KIF26B: variants seen among roughly 807,000 people sequenced by gnomAD.
KIF26B encodes kinesin-like protein KIF26B.
A neutral mutation model predicts 151.2 loss-of-function variants in KIF26B; 63 were observed. The ratio of observed to expected loss-of-function variants is 0.42; its 90% CI spans 0.34 to 0.51. The LOEUF (loss-of-function observed/expected upper bound fraction) is 0.51, where lower values mean the gene tolerates loss of function less well. Ranked by LOEUF, KIF26B falls within the 20% of genes least tolerant of loss-of-function variation. KIF26B has a pLI of 0.07. For missense variants in KIF26B, 2,813 were observed against 2,913.6 expected, an observed-to-expected ratio of 0.97 and a Z score of 0.79; for synonymous variants, 1,357 against 1,262.1, an observed-to-expected ratio of 1.08 and a Z score of -1.59.
At chr1:245,521,915 G>T (rs1661121367) in intron 4 of KIF26B, among the ~76,000 whole-genome samples, 1 of 106,896 alleles carries the variant, frequency 9.4e-6, no homozygotes, top group Non-Finnish European at 2.4e-5. Flanking sequence ...ACCCAGGCTG[G>T]ATGGAGTGCA....
chr1:245,670,332 T>A (rs985398701), intron 10 of KIF26B, among the ~76,000 whole-genome samples: 1 of 150,288 alleles, frequency 6.7e-6, no homozygotes, highest in Non-Finnish European at 1.5e-5. Context: ...TAGTTTCCTT[T>A]CCTTCAATAT....
chr1:245,520,148 C>A (rs1381564491), intron 4 of KIF26B, among the ~76,000 whole-genome samples: 3 of 66,266 alleles, frequency 4.5e-5, no homozygotes, highest in African/African-American at 1.1e-4. Context: ...AGAGAGAGAG[C>A]CCTTCCCCAG....
chr1:245,335,157 G>A (rs558014007), intron 2 of KIF26B, among the ~76,000 whole-genome samples: 107 of 152,260 alleles, frequency 7.0e-4, no homozygotes, highest in Middle Eastern at 3.4e-3. Flanking sequence ...TGGATTCTGT[G>A]GTCCAACTGG....
intron 4 of KIF26B, among the ~76,000 whole-genome samples, chr1:245,476,891 C>A (rs1321271032): frequency 6.6e-6 from 1 of 151,646 alleles, no homozygotes; most frequent in African/African-American, 2.4e-5. Flanking sequence ...TACATGCACC[C>A]CCATAGTTCA....
intron 3 of KIF26B, chr1:245,371,326 T>C (rs781470382): frequency 6.6e-6 from 1 of 152,198 alleles, no homozygotes; most frequent in Admixed American, 6.5e-5. Context: ...TATTGTACAG[T>C]TCGCAGTCTA....
chr1:245,497,153 CAA>C (rs35741176), intron 4 of KIF26B, among the ~76,000 whole-genome samples: 9 of 101,042 alleles, frequency 8.9e-5, no homozygotes, highest in Admixed American at 2.2e-4. Flanking sequence ...AACTCCATCT[CAA>C]AAAAAAAAAA....
At chr1:245,190,076 T>C (rs1167934099) in intron 2 of KIF26B, among the ~76,000 whole-genome samples, 1 of 46,140 alleles carries the variant, frequency 2.2e-5, no homozygotes, top group African/African-American at 5.5e-5. Context: ...CAATTCAAGA[T>C]GAAATTAACC....
intron 4 of KIF26B, among the ~76,000 whole-genome samples, chr1:245,506,076 A>G (rs1280719748): frequency 6.6e-6 from 1 of 152,164 alleles, no homozygotes; most frequent in East Asian, 1.9e-4. Context: ...AAGTATTTCC[A>G]TCGAATTTTA....
At chr1:245,506,821 C>T (rs1660735966) in intron 4 of KIF26B, among the ~76,000 whole-genome samples, 2 of 152,210 alleles carry the variant, frequency 1.3e-5, no homozygotes, top group African/African-American at 4.8e-5. Flanking sequence ...GCTGGGATTA[C>T]AACCATGTAA....
At chr1:245,556,912 C>T (rs1002221022) in intron 5 of KIF26B, among the ~76,000 whole-genome samples, 1 of 152,136 alleles carries the variant, frequency 6.6e-6, no homozygotes, top group South Asian at 2.1e-4. Flanking sequence ...CACAGTCATC[C>T]CATTTTCCCA....
At chr1:245,204,651 G>A (rs567966285) in intron 2 of KIF26B, among the ~76,000 whole-genome samples, 368 of 152,248 alleles carry the variant, frequency 2.4e-3, no homozygotes, top group African/African-American at 8.4e-3. Flanking sequence ...TGGGATTACA[G>A]GCGTGAGCCA....
intron 2 of KIF26B, among the ~76,000 whole-genome samples, chr1:245,331,900 C>G (rs1388067554): frequency 6.6e-6 from 1 of 151,956 alleles, no homozygotes; most frequent in African/African-American, 2.4e-5. Context: ...GCGAGGTGGG[C>G]AGATCACTTG....
In KIF26B at chr1:245,540,594, G is replaced by A. The variant is rs762236486; in HGVS notation, c.1167-173G>A. ...TGTCGTATAAATGATTGGGTAGCTC[G>A]TTAACTTCACTCTGTTATAGTAAGG... On this transcript the variant is annotated intron_variant, in intron 4 of 14. Transcript: ENST00000407071. This position sits in a 1 kb window ranked among gnomAD's most constrained non-coding sequence, Gnocchi z 4.6. The A allele has an allele frequency of 4.0e-5, 30 of 742,478 alleles. No homozygotes were observed. Among genetic ancestry groups the A allele is most frequent in the Non-Finnish European group, 5.7e-5 (23 of 403,790 alleles). The allele number at this position is 742,478 out of a possible 1,614,324, so 46.0% of individuals were successfully genotyped here.
intron 2 of KIF26B, among the ~76,000 whole-genome samples, chr1:245,176,016 AT>A (rs903702814): frequency 3.3e-5 from 5 of 149,936 alleles, no homozygotes; most frequent in Non-Finnish European, 5.9e-5. Flanking sequence ...AGATATAGAT[AT>A]TTTTTTTGAG....
intron 3 of KIF26B, among the ~76,000 whole-genome samples, chr1:245,380,239 G>A (rs762746770): frequency 9.9e-5 from 15 of 152,182 alleles, no homozygotes; most frequent in Non-Finnish European, 1.8e-4. Context: ...CACTGGCCCC[G>A]AGGAGTTAAC....
At chr1:245,485,675 T>G (rs904103435) in intron 4 of KIF26B, among the ~76,000 whole-genome samples, 3 of 152,200 alleles carry the variant, frequency 2.0e-5, no homozygotes, top group African/African-American at 4.8e-5. Flanking sequence ...TGAGCCACCG[T>G]GCCTGGCCTT....
chr1:245,286,123 G>A (rs1355509588), intron 2 of KIF26B, among the ~76,000 whole-genome samples: 1 of 152,098 alleles, frequency 6.6e-6, no homozygotes, highest in East Asian at 1.9e-4. Context: ...CTGAGAACAG[G>A]AGTTCCTGTG....
chr1:245,502,715 G>A (rs865933224), intron 4 of KIF26B, among the ~76,000 whole-genome samples: 18 of 152,078 alleles, frequency 1.2e-4, no homozygotes, highest in African/African-American at 3.4e-4. Flanking sequence ...TATTATCTAA[G>A]TATGAAGAAC....
chr1:245,304,584 C>G (rs1671500749), intron 2 of KIF26B, among the ~76,000 whole-genome samples: 1 of 152,044 alleles, frequency 6.6e-6, no homozygotes, highest in South Asian at 2.1e-4. Flanking sequence ...GCAGACAAGC[C>G]CAAGTCTAAA....
Sources: allele counts gnomAD v4.1 joint callset (sites outside exome capture counted in the v4.1 genomes callset), GRCh38; gene constraint gnomAD v4.1.1; non-coding constraint Gnocchi (gnomAD v3.1); transcripts MANE v1.5; gene names NCBI Gene and HGNC (gene_info 2026-07-23, HGNC 2026-07-21).